The following GPC5 variants were observed in gnomAD, a reference collection of about 807,000 sequenced individuals.
GPC5 encodes glypican 5, also known as glypican-5.
In GPC5, 47 loss-of-function variants were observed where a neutral mutation model predicts 53.9. The ratio of observed to expected loss-of-function variants is 0.87; its 90% CI spans 0.69 to 1.11. GPC5 has a LOEUF of 1.11. Among genes scored for constraint, GPC5 ranks in the 50% most tolerant of loss-of-function variants. The pLI is 0.00. For missense variants in GPC5, 748 were observed against 713.1 expected (o/e 1.05, Z -0.56); for synonymous variants, 286 against 263.3 (o/e 1.09, Z -0.84).
chr13:92,039,044 A>C (rs534775500), intron 6 of GPC5, among the ~76,000 whole-genome samples: 1 of 152,220 alleles, frequency 6.6e-6, no homozygotes, highest in Admixed American at 6.5e-5. Flanking sequence ...TTTTCTATTA[A>C]GCAAGAAAGA....
chr13:92,839,488 G>A (rs1394699268), intron 7 of GPC5, among the ~76,000 whole-genome samples: 2 of 151,988 alleles, frequency 1.3e-5, no homozygotes, highest in African/African-American at 4.8e-5. Context: ...AATGTGTGTT[G>A]TTCCCCTCTA....
chr13:92,503,565 A>T (rs9523692), intron 7 of GPC5, among the ~76,000 whole-genome samples: 85,520 of 150,646 alleles, frequency 0.57, 24,967 homozygotes, highest in East Asian at 0.75. Context: ...TACCCTCTTT[A>T]AAAAAAACCC....
intron 2 of GPC5, among the ~76,000 whole-genome samples, chr13:91,590,376 ATTTG>A (rs887119291): frequency 1.3e-5 from 2 of 152,020 alleles, no homozygotes; most frequent in African/African-American, 2.4e-5. Flanking sequence ...TTCTTCACCT[ATTTG>A]TTAATAATTT....
At chr13:91,618,004 C>T (rs1321757005) in intron 2 of GPC5, among the ~76,000 whole-genome samples, 2 of 152,094 alleles carry the variant, frequency 1.3e-5, no homozygotes, top group Non-Finnish European at 2.9e-5. Flanking sequence ...TTGCTCCAGC[C>T]ACTGAAAAAT....
chr13:92,562,242 C>A (rs1326875350), intron 7 of GPC5, among the ~76,000 whole-genome samples: 1 of 152,066 alleles, frequency 6.6e-6, no homozygotes, highest in Non-Finnish European at 1.5e-5. Flanking sequence ...GAATTTCACC[C>A]TTACGCTGTG....
intron 7 of GPC5, among the ~76,000 whole-genome samples, chr13:92,211,879 T>A (rs957855041): frequency 6.6e-6 from 1 of 152,192 alleles, no homozygotes; most frequent in African/African-American, 2.4e-5. Context: ...TTATCCCCAC[T>A]GCTGCTGGCA....
intron 3 of GPC5, among the ~76,000 whole-genome samples, chr13:91,723,496 C>A (rs1020995756): frequency 1.3e-5 from 2 of 151,224 alleles, no homozygotes; most frequent in Non-Finnish European, 3.0e-5. Context: ...AACAGGTACA[C>A]CATAAACTAA....
chr13:92,580,914 G>T (rs553398139), intron 7 of GPC5, among the ~76,000 whole-genome samples: 4 of 152,012 alleles, frequency 2.6e-5, no homozygotes, highest in Non-Finnish European at 5.9e-5. Context: ...ATGCATATAC[G>T]TATCTACAGA....
intron 7 of GPC5, among the ~76,000 whole-genome samples, chr13:92,780,652 GAAGAT>G (rs1300833757): frequency 1.3e-5 from 2 of 151,608 alleles, no homozygotes; most frequent in African/African-American, 4.9e-5. Flanking sequence ...TACCCACTTA[GAAGAT>G]TGGTGCCCTC....
chr13:92,234,677 T>C (rs2042557556), intron 7 of GPC5, among the ~76,000 whole-genome samples: 2 of 152,186 alleles, frequency 1.3e-5, no homozygotes, highest in Middle Eastern at 3.4e-3. Flanking sequence ...TTATTAATTG[T>C]ATGGATCCAT....
At position 92,787,074 on chromosome 13, in the gene GPC5, T is replaced by C. The variant is rs7333121; in HGVS notation, c.1562-79208T>C. On this transcript the variant is annotated intron_variant, in intron 7 of 7. Coordinates refer to ENST00000377067, the MANE Select transcript of GPC5 (RefSeq NM_004466.6). ...CTTCATGCAAGTAGAAGGGCCTTCA[T>C]TGAGCAATATAAAATGTATTATTGG... Among the ~76,000 whole-genome samples the C allele has an allele frequency of 0.025, 3,872 of 152,270 alleles. 386 individuals are homozygous for C. In the East Asian group the frequency reaches 0.32, roughly 13 times the overall value.
chr13:91,489,987 C>A (rs1240219566), intron 2 of GPC5, among the ~76,000 whole-genome samples: 5 of 152,108 alleles, frequency 3.3e-5, no homozygotes, highest in Non-Finnish European at 7.4e-5. Flanking sequence ...GAGTGAGTCA[C>A]CTAGGTTGCA....
chr13:92,594,614 C>A (rs1232054019), intron 7 of GPC5, among the ~76,000 whole-genome samples: 2 of 152,156 alleles, frequency 1.3e-5, no homozygotes, highest in African/African-American at 4.8e-5. Context: ...ACCCTCTCGT[C>A]GTTGACACCA....
chr13:91,441,292 C>G (rs956630794), intron 1 of GPC5, among the ~76,000 whole-genome samples: 9 of 152,092 alleles, frequency 5.9e-5, no homozygotes, highest in African/African-American at 2.2e-4. Flanking sequence ...GGGCAGGGAA[C>G]TTGAGTAGCC....
chr13:92,486,972 C>T (rs1182152381), intron 7 of GPC5, among the ~76,000 whole-genome samples: 1 of 152,036 alleles, frequency 6.6e-6, no homozygotes, highest in East Asian at 1.9e-4. Context: ...TCTCCTGTCT[C>T]AGCCTCTCAA....
intron 5 of GPC5, among the ~76,000 whole-genome samples, chr13:91,800,796 G>A (rs9560859): frequency 1.6e-4 from 24 of 151,982 alleles, no homozygotes; most frequent in East Asian, 7.7e-4. Context: ...GTCTAGAGTC[G>A]CGTTTCTATT....
chr13:91,821,255 T>C (rs1394081412), intron 5 of GPC5, among the ~76,000 whole-genome samples: 1 of 152,214 alleles, frequency 6.6e-6, no homozygotes, highest in Non-Finnish European at 1.5e-5. Flanking sequence ...TTGTAATTAT[T>C]GAAACTTTGT....
intron 7 of GPC5, among the ~76,000 whole-genome samples, chr13:92,754,623 G>T (rs998428775): frequency 6.6e-6 from 1 of 151,134 alleles, no homozygotes; most frequent in African/African-American, 2.4e-5. Context: ...CAAAATAAAA[G>T]GATGGAGGAA....
intron 2 of GPC5, among the ~76,000 whole-genome samples, chr13:91,584,097 G>A (rs1427010939): frequency 6.6e-6 from 1 of 152,124 alleles, no homozygotes; most frequent in Non-Finnish European, 1.5e-5. Flanking sequence ...GAAGGCCATT[G>A]GAAAACACAG....
Sources: allele counts gnomAD v4.1 joint callset (sites outside exome capture counted in the v4.1 genomes callset), GRCh38; gene constraint gnomAD v4.1.1; transcripts MANE v1.5; gene names NCBI Gene and HGNC (gene_info 2026-07-23, HGNC 2026-07-21).